The following GLDC variants were observed in gnomAD, a reference collection of about 807,000 sequenced individuals.
GLDC encodes glycine decarboxylase, also known as glycine dehydrogenase (decarboxylating), mitochondrial.
In GLDC, 104 loss-of-function variants were observed where a neutral mutation model predicts 121.3. That is an observed-to-expected ratio of 0.86 (90% CI 0.73 to 1.01). The LOEUF is 1.01. Among genes scored for constraint, GLDC ranks in the 50% least tolerant of loss-of-function variants. GLDC has a pLI of 0.00. For synonymous variants in GLDC, 546 were observed against 480.6 expected (o/e 1.14, Z -1.78); for missense variants, 1,429 against 1,306.6 (o/e 1.09, Z -1.44).
chr9:6,622,171 C>CACAG (rs1819113489), intron 2 of GLDC, among the ~76,000 whole-genome samples: 1 of 151,456 alleles, frequency 6.6e-6, no homozygotes, highest in Admixed American at 6.6e-5. Context: ...CACACACACA[C>CACAG]ACACACACAC....
intron 2 of GLDC, among the ~76,000 whole-genome samples, chr9:6,640,398 G>C (rs1011148295): frequency 2.6e-5 from 4 of 152,228 alleles, no homozygotes; most frequent in Non-Finnish European, 1.5e-5. Context: ...CCTCGGCCTG[G>C]GGAACAGCTG....
intron 3 of GLDC, among the ~76,000 whole-genome samples, chr9:6,613,969 G>T (rs565497214): frequency 1.8e-4 from 28 of 152,160 alleles, no homozygotes; most frequent in African/African-American, 6.5e-4. Context: ...TTGAGATAGG[G>T]TTTCACCATG....
chr9:6,541,854 G>C lies in GLDC; in HGVS notation c.2570-1708C>G, dbSNP rs1428484880. The stretch of plus-strand genomic sequence containing the variant: ...AAAAAAAAAAGAAGTGGTTTTGTTT[G>C]AAAATAAAACTATAAAGAGCGTAAG... On this transcript the variant is annotated intron_variant, in intron 21 of 24. Transcript: ENST00000321612. 8 of 121,002 alleles carry C rather than the reference G, an allele frequency of 6.6e-5. No individual in the cohort carries two copies. The South Asian group carries it at 1.5e-3, about 22-fold the overall frequency. 7.5% of individuals were successfully genotyped at this position (121,002 alleles called of 1,614,324 possible). A position where few individuals can be genotyped will look rare whatever the true frequency, so the allele number is the denominator to read the frequency against.
intron 15 of GLDC, among the ~76,000 whole-genome samples, chr9:6,574,688 C>T (rs1162651681): frequency 2.0e-5 from 3 of 151,992 alleles, no homozygotes; most frequent in East Asian, 3.9e-4. Context: ...AGACGGCTCT[C>T]CTCATCCCTC....
At chr9:6,616,547 C>A (rs2129936994) in intron 3 of GLDC, among the ~76,000 whole-genome samples, 1 of 152,234 alleles carries the variant, frequency 6.6e-6, no homozygotes, top group Middle Eastern at 3.4e-3. Context: ...TGACAAATAA[C>A]CCTCATTTCA....
At position 6,586,882 on chromosome 9, in the gene GLDC, AACT is replaced by A; in HGVS notation, c.1850+256_1850+258del. 3.9e-5 allele frequency among the ~76,000 whole-genome samples: 6 copies of A among 152,288 alleles called. No individual in the cohort carries two copies. The Middle Eastern group carries it at 0.017, about 432-fold the overall frequency. On this transcript the variant is annotated intron_variant, in intron 15 of 24. Coordinates refer to ENST00000321612, the MANE Select transcript of GLDC (RefSeq NM_000170.3). ...CTGTAAGGAACAAGGAAGCTCAAGG[AACT>A]ACAAGGAAAGCCCCATATGGAGAAA...
rs768504558 is a variant in GLDC at position 6,588,577 on chromosome 9, G to T, written c.1665+41C>A. On this transcript the variant is annotated intron_variant, in intron 13 of 24. Transcript: ENST00000321612. The stretch of plus-strand genomic sequence containing the variant: ...AGGTAGGACCAAGAGACGTGGGATT[G>T]GGGTAGCTTGGAAATGAGAAAAAAG... 9 of 1,501,912 alleles carry T rather than the reference G, an allele frequency of 6.0e-6. No individual in the cohort carries two copies. In the South Asian group the frequency reaches 6.8e-5, roughly 11 times the overall value. 93.0% of individuals were successfully genotyped at this position (1,501,912 alleles called of 1,614,324 possible). A position where few individuals can be genotyped will look rare whatever the true frequency, so the allele number is the denominator to read the frequency against.
intron 16 of GLDC, among the ~76,000 whole-genome samples, chr9:6,561,978 G>C (rs1817768227): frequency 6.6e-6 from 1 of 152,166 alleles, no homozygotes; most frequent in African/African-American, 2.4e-5. Flanking sequence ...AGCTTTCTTT[G>C]TTGATTTACA....
At position 6,644,687 on chromosome 9, in the gene GLDC, A is replaced by G. The variant is rs776700682; in HGVS notation, c.261T>C (p.Ile87=). The part of the protein sequence containing the change: ...EMLQTLGLAS[I]DELIEKTVPA... ...GGACCGTCTTCTCGATCAATTCATC[A>G]ATGCTCTAAAATTAAAACGCAAGGC... The change falls in exon 2 of 25, where the codon ATT becomes ATC. Residue 87 remains isoleucine (I), a synonymous_variant. Coordinates refer to ENST00000321612, the MANE Select transcript of GLDC (RefSeq NM_000170.3). 2.7e-5 allele frequency: 43 copies of G among 1,610,294 alleles called. No homozygotes were observed. Among genetic ancestry groups the G allele is most frequent in the Non-Finnish European group, 3.2e-5 (38 of 1,176,758 alleles).
chr9:6,544,088 G>A (rs1403805839), intron 21 of GLDC, among the ~76,000 whole-genome samples: 4 of 152,196 alleles, frequency 2.6e-5, no homozygotes, highest in Non-Finnish European at 5.9e-5. Flanking sequence ...CGGCTGCTGA[G>A]GAATAAATGA....
At position 6,557,370 on chromosome 9, in the gene GLDC, C is replaced by T. The variant is rs571495986; in HGVS notation, c.2053-1068G>A. 5.3e-5 allele frequency among the ~76,000 whole-genome samples: 8 copies of T among 152,134 alleles called. No individual in the cohort carries two copies. The East Asian group carries it at 5.8e-4, about 11-fold the overall frequency. On this transcript the variant is annotated intron_variant, in intron 17 of 24. Transcript: ENST00000321612. ...CAGCACTTTGGGAGGCTGAGGCGGG[C>T]GGATCATGAGGTCAGGAGATCGAGA...
chr9:6,636,165 G>A (rs982287604), intron 2 of GLDC, among the ~76,000 whole-genome samples: 4 of 152,092 alleles, frequency 2.6e-5, no homozygotes, highest in African/African-American at 4.8e-5. Context: ...TTAGCCAGGC[G>A]TGATAGTTCA....
intron 23 of GLDC, 103 bp downstream of exon 23, chr9:6,535,961 G>A: frequency 1.0e-6 from 1 of 973,436 alleles, no homozygotes; most frequent in Non-Finnish European, 1.7e-6. Context: ...TTCTAGGGAA[G>A]AGTATCATCC....
At chr9:6,536,482 C>G (rs574033879) in intron 22 of GLDC, among the ~76,000 whole-genome samples, 12 of 152,108 alleles carry the variant, frequency 7.9e-5, no homozygotes, top group South Asian at 2.1e-4. Flanking sequence ...AAATAGACAA[C>G]CATTCAAAAG....
At chr9:6,578,554 C>A (rs187215575) in intron 15 of GLDC, among the ~76,000 whole-genome samples, 36 of 151,822 alleles carry the variant, frequency 2.4e-4, no homozygotes, top group Non-Finnish European at 4.0e-4. Flanking sequence ...TTTTTCTTCT[C>A]TTAGAAACAG....
intron 21 of GLDC, among the ~76,000 whole-genome samples, chr9:6,550,319 T>TA (rs929999537): frequency 3.3e-5 from 5 of 152,192 alleles, no homozygotes; most frequent in Admixed American, 3.3e-4. Flanking sequence ...GTAATGCCCC[T>TA]AAACAGTTAA....
intron 15 of GLDC, among the ~76,000 whole-genome samples, chr9:6,574,675 G>C (rs1277765541): frequency 6.6e-6 from 1 of 152,020 alleles, no homozygotes; most frequent in African/African-American, 2.4e-5. Flanking sequence ...TACATTTCCC[G>C]AAAGACGGCT....
intron 2 of GLDC, among the ~76,000 whole-genome samples, chr9:6,622,038 C>T (rs1048964895): frequency 2.0e-5 from 3 of 152,086 alleles, no homozygotes; most frequent in Non-Finnish European, 4.4e-5. Context: ...AAACCTAAGA[C>T]AGCAAACTGG....
intron 2 of GLDC, among the ~76,000 whole-genome samples, chr9:6,638,393 T>TTA (rs1197998815): frequency 6.6e-6 from 1 of 152,074 alleles, no homozygotes; most frequent in African/African-American, 2.4e-5. Flanking sequence ...TTCTGTATTT[T>TTA]TAGTAGAGAC....
Sources: gnomAD v4.1 joint callset for allele counts (sites outside exome capture counted in the v4.1 genomes callset) on GRCh38, gnomAD v4.1.1 for gene constraint, MANE v1.5 for transcripts, NCBI Gene and HGNC (gene_info 2026-07-23, HGNC 2026-07-21) for gene names.